The following SGCD variants were observed in gnomAD, a reference collection of about 807,000 sequenced individuals.
SGCD encodes sarcoglycan delta.
SGCD carries 18 observed loss-of-function variants against 36.6 expected under a neutral mutation model. The observed-to-expected ratio is 0.49, with a 90% CI of 0.34 to 0.73. The LOEUF is 0.73. Ranked by LOEUF, SGCD falls within the 30% of genes least tolerant of loss-of-function variation. SGCD has a pLI of 0.01. For missense variants in SGCD, 387 were observed against 346.7 expected (o/e 1.12, Z -0.92); for synonymous variants, 133 against 130.6 (o/e 1.02, Z -0.12).
intron 1 of SGCD, among the ~76,000 whole-genome samples, chr5:155,997,242 A>G (rs1302383510): frequency 6.6e-6 from 1 of 152,248 alleles, no homozygotes; most frequent in African/African-American, 2.4e-5. Flanking sequence ...TGTTAATCCC[A>G]TTTCACACAT....
At chr5:156,460,622 C>CTGAA (rs1345463795) in intron 3 of SGCD, among the ~76,000 whole-genome samples, 2 of 152,232 alleles carry the variant, frequency 1.3e-5, no homozygotes, top group East Asian at 3.9e-4. Flanking sequence ...GACTGACTGA[C>CTGAA]TGAATGAATG....
chr5:156,123,512 A>G (rs769474765), intron 2 of SGCD, among the ~76,000 whole-genome samples: 1 of 152,092 alleles, frequency 6.6e-6, no homozygotes, highest in Non-Finnish European at 1.5e-5. Context: ...TATACTAAAG[A>G]TTTGCTTGAC....
At chr5:156,686,121 C>G (rs770184286) in intron 7 of SGCD, among the ~76,000 whole-genome samples, 5 of 152,176 alleles carry the variant, frequency 3.3e-5, no homozygotes, top group Non-Finnish European at 5.9e-5. Flanking sequence ...GTGTAAAACA[C>G]TTTACATCTA....
chr5:156,381,050 A>G (rs1363215326), intron 3 of SGCD, among the ~76,000 whole-genome samples: 1 of 152,206 alleles, frequency 6.6e-6, no homozygotes, highest in Non-Finnish European at 1.5e-5. Flanking sequence ...ACATCAGCTG[A>G]AAATAATGGC....
intron 7 of SGCD, among the ~76,000 whole-genome samples, chr5:156,654,725 T>A (rs1763606372): frequency 6.6e-6 from 1 of 152,132 alleles, no homozygotes; most frequent in Non-Finnish European, 1.5e-5. Context: ...AAACAGCTAA[T>A]CCTGTTATAT....
At chr5:156,333,779 A>T (rs1768183434) in intron 2 of SGCD, among the ~76,000 whole-genome samples, 1 of 58,462 alleles carries the variant, frequency 1.7e-5, no homozygotes, top group African/African-American at 6.2e-5. Flanking sequence ...ATGTTAGAAA[A>T]GTGATTTTTT....
At chr5:155,845,597 CTCTT>C in the SGCD span, 1 of 152,182 alleles carries the variant, frequency 6.6e-6, no homozygotes, top group African/African-American at 2.4e-5. Flanking sequence ...TAATACAACT[CTCTT>C]TCTCCAAAAA....
At chr5:155,750,791 C>CTG in the SGCD span, among the ~76,000 whole-genome samples, 5 of 151,842 alleles carry the variant, frequency 3.3e-5, no homozygotes, top group African/African-American at 2.4e-5. Context: ...GTCCTCAAGT[C>CTG]TGTGTGTGTG....
At chr5:155,831,223 CTG>C in the SGCD span, among the ~76,000 whole-genome samples, 3 of 152,162 alleles carry the variant, frequency 2.0e-5, no homozygotes, top group Non-Finnish European at 2.9e-5. Context: ...CTTGCAGACT[CTG>C]TGATATATTC....
chr5:155,855,775 T>C, the SGCD span, among the ~76,000 whole-genome samples: 1 of 152,104 alleles, frequency 6.6e-6, no homozygotes, highest in Non-Finnish European at 1.5e-5. Flanking sequence ...AACAGTCTTC[T>C]TGAGTTGAGG....
chr5:155,857,138 G>T, the SGCD span, among the ~76,000 whole-genome samples: 1 of 152,322 alleles, frequency 6.6e-6, no homozygotes, highest in Non-Finnish European at 1.5e-5. Flanking sequence ...TTGGAAGGCT[G>T]AGGCAGGAGA....
intron 4 of SGCD, among the ~76,000 whole-genome samples, chr5:156,573,924 C>A (rs898700380): frequency 2.0e-5 from 3 of 152,102 alleles, no homozygotes; most frequent in African/African-American, 7.2e-5. Context: ...AACTCCTAGC[C>A]TCAAGTGATC....
At chr5:155,993,562 C>A (rs2127565467) in intron 1 of SGCD, among the ~76,000 whole-genome samples, 1 of 152,196 alleles carries the variant, frequency 6.6e-6, no homozygotes, top group East Asian at 1.9e-4. Context: ...CCAGACTGGT[C>A]TCGAACTCCT....
At chr5:155,791,441 G>A in the SGCD span, among the ~76,000 whole-genome samples, 2,550 of 152,160 alleles carry the variant, frequency 0.017, 80 homozygotes, top group African/African-American at 0.058. Flanking sequence ...GAAATAAAAG[G>A]CATCCAAGTA....
intron 1 of SGCD, among the ~76,000 whole-genome samples, chr5:155,963,001 C>A (rs943107368): frequency 1.3e-5 from 2 of 152,090 alleles, no homozygotes; most frequent in Non-Finnish European, 2.9e-5. Flanking sequence ...CCATTCAAAG[C>A]AGGTCTCCGT....
At chr5:156,259,644 A>T (rs572481539) in intron 3 of SGCD, among the ~76,000 whole-genome samples, 1 of 152,194 alleles carries the variant, frequency 6.6e-6, no homozygotes, top group East Asian at 1.9e-4. Flanking sequence ...TTATTTTTTA[A>T]TATCTGCTAT....
At chr5:156,652,209 G>A (rs940984804) in intron 7 of SGCD, among the ~76,000 whole-genome samples, 3 of 152,036 alleles carry the variant, frequency 2.0e-5, no homozygotes, top group Non-Finnish European at 2.9e-5. Flanking sequence ...GACTGGGTGT[G>A]GTGGCTTACA....
At chr5:156,566,815 T>G (rs919317953) in intron 4 of SGCD, among the ~76,000 whole-genome samples, 1 of 152,050 alleles carries the variant, frequency 6.6e-6, no homozygotes, top group Non-Finnish European at 1.5e-5. Context: ...AGACCTAAAA[T>G]GAGACATTAT....
intron 1 of SGCD, among the ~76,000 whole-genome samples, chr5:156,092,761 A>C (rs958547634): frequency 1.3e-5 from 2 of 152,242 alleles, no homozygotes; most frequent in Non-Finnish European, 2.9e-5. Flanking sequence ...TTTAATTTAT[A>C]GCAGGTCATA....
Sources: allele counts gnomAD v4.1 joint callset (sites outside exome capture counted in the v4.1 genomes callset), GRCh38; gene constraint gnomAD v4.1.1; transcripts MANE v1.5; gene names NCBI Gene and HGNC (gene_info 2026-07-23, HGNC 2026-07-21).